Variants in TKFC observed in about 807,000 individuals in gnomAD.
TKFC encodes triokinase and FMN cyclase, also known as triokinase/FMN cyclase.
Under a neutral mutation model 61.0 loss-of-function variants are expected in TKFC, and 46 were observed. The ratio of observed to expected loss-of-function variants is 0.75; its 90% CI spans 0.60 to 0.96. TKFC has a LOEUF of 0.96. Among genes scored for constraint, TKFC ranks in the 50% least tolerant of loss-of-function variants. The pLI is 0.00. For missense variants in TKFC, 715 were observed against 777.5 expected, an observed-to-expected ratio of 0.92 and a Z score of 0.96; for synonymous variants, 314 against 330.1, an observed-to-expected ratio of 0.95 and a Z score of 0.53.
chr11:61,337,356 G>T (rs1349899741), intron 2 of TKFC, among the ~76,000 whole-genome samples: 2 of 152,136 alleles, frequency 1.3e-5, no homozygotes, highest in African/African-American at 4.8e-5. Context: ...ATGTTGCCCA[G>T]GCCGGTCTCA....
Position 61,344,131 on chromosome 11 carries a change from T to C in TKFC, c.1103-5T>C. 6.2e-7 allele frequency: 1 copy of C among 1,611,888 alleles called. No homozygotes were observed. The highest frequency in any genetic ancestry group is 2.2e-5 in the East Asian group (1 of 44,884). On this transcript the variant is annotated splice_polypyrimidine_tract_variant and splice_region_variant and intron_variant, in intron 12 of 17. Transcript: ENST00000394900. ...GGCCTGTTCTTCAGCATCCTCCCTT[T>C]CTAGGCTCAGCCTCGAAGCGGATGG...
chr11:61,353,247 A>G (rs1392440342), downstream of TKFC: 1 of 1,382,480 alleles, frequency 7.2e-7, no homozygotes, highest in Non-Finnish European at 9.6e-7. Context: ...TTCTTTCACA[A>G]CTCAAACCTT....
In TKFC at chr11:61,341,894, G is replaced by A. The variant is rs781550668; in HGVS notation, c.637G>A (p.Glu213Lys). ...ACCCACCTTCGAGCTCTCAGCCGAC[G>A]AGGTGGAGCTGGGCCTGGGTAAGCT... ...SKPTFELSAD[E>K]VELGLGIHGE... Residue 213 changes from glutamate to lysine, a missense_variant, in exon 7 of 18, where the codon GAG becomes AAG. Coordinates refer to ENST00000394900, the MANE Select transcript of TKFC (RefSeq NM_015533.4). The A allele has an allele frequency of 5.0e-6, 8 of 1,613,338 alleles. No individual in the cohort carries two copies. Among genetic ancestry groups the A allele is most frequent in the African/African-American group, 4.0e-5 (3 of 74,878 alleles).
At chr11:61,350,828 G>T, downstream of TKFC, 2 of 995,652 alleles carry the variant, frequency 2.0e-6, no homozygotes, top group Non-Finnish European at 2.8e-6. Context: ...CGCTGGTTTG[G>T]GACCAGTGCT....
At position 61,346,785 on chromosome 11, in the gene TKFC, T is replaced by G. The variant is rs1857149805; in HGVS notation, c.*282T>G. ...CCCTGCCAGCTCTGGGCTTCAGAGA[T>G]AAGGCATTTTCCTTGTGCAGCCTTT... is the stretch of plus-strand genomic sequence containing the variant. On this transcript the variant is annotated 3_prime_UTR_variant, in exon 18 of 18. Coordinates refer to ENST00000394900, the MANE Select transcript of TKFC (RefSeq NM_015533.4). This position sits in a 1 kb window ranked among gnomAD's most constrained non-coding sequence, Gnocchi z 4.1. 3 of 1,196,640 alleles carry G rather than the reference T, an allele frequency of 2.5e-6. No homozygotes were observed. Among genetic ancestry groups the G allele is most frequent in the Non-Finnish European group, 3.1e-6 (3 of 962,984 alleles). The allele number at this position is 1,196,640 out of a possible 1,614,324, so 74.1% of individuals were successfully genotyped here.
At chr11:61,351,185 T>C (rs780078596), downstream of TKFC, 4 of 1,569,216 alleles carry the variant, frequency 2.5e-6, no homozygotes, top group African/African-American at 4.1e-5. Flanking sequence ...TCGAGAGATT[T>C]TTCCACCTAT....
chr11:61,347,771 AT>A lies in TKFC; in HGVS notation c.*1274del. Reference sequence around the variant, plus strand: ...AACCCGGCTACAGGAGCTAAGGCCTATTTTTTAGCCCTTTGGGATCTGTAAA... The same window carrying A: ...AACCCGGCTACAGGAGCTAAGGCCTATTTTTAGCCCTTTGGGATCTGTAAA... On this transcript the variant is annotated 3_prime_UTR_variant, in exon 18 of 18. Coordinates refer to ENST00000394900, the MANE Select transcript of TKFC (RefSeq NM_015533.4). 2 of 980,500 alleles carry A rather than the reference AT, an allele frequency of 2.0e-6. No individual in the cohort carries two copies. The highest frequency in any genetic ancestry group is 1.7e-5 in the African/African-American group (1 of 57,168). The allele number at this position is 980,500 out of a possible 1,614,324, so 60.7% of individuals were successfully genotyped here.
chr11:61,346,583 A>C lies in TKFC; in HGVS notation c.*80A>C. The C allele has an allele frequency of 6.6e-7, 1 of 1,506,924 alleles. No individual in the cohort carries two copies. Among genetic ancestry groups the C allele is most frequent in the Non-Finnish European group, 8.8e-7 (1 of 1,132,332 alleles). The allele number at this position is 1,506,924 out of a possible 1,614,324, so 93.3% of individuals were successfully genotyped here. A position where few individuals can be genotyped will look rare whatever the true frequency, so the allele number is the denominator to read the frequency against. On this transcript the variant is annotated 3_prime_UTR_variant, in exon 18 of 18. Coordinates refer to ENST00000394900, the MANE Select transcript of TKFC (RefSeq NM_015533.4). The surrounding 1 kb of genome is among the most constrained non-coding windows in gnomAD (Gnocchi z 4.1). ...CCTTTGTCACTTCCTTCTGCCTTCC[A>C]ACCCTCACCTTCCCCCGGCCTGGCC...
rs1334611143 is a variant in TKFC, at chr11:61,344,347, G to T, written c.1240+74G>T. The stretch of plus-strand genomic sequence containing the variant: ...CCCCCTTCCACTTGTTTCCCTGAAG[G>T]CAGGGACCTTCCTTTTTTTTTTTTT... On this transcript the variant is annotated intron_variant, in intron 13 of 17. Transcript: ENST00000394900. The T allele has an allele frequency of 2.0e-6, 3 of 1,470,486 alleles. No individual in the cohort carries two copies. The African/African-American group carries it at 4.4e-5, about 21-fold the overall frequency. The allele number at this position is 1,470,486 out of a possible 1,614,324, so 91.1% of individuals were successfully genotyped here. A position where few individuals can be genotyped will look rare whatever the true frequency, so the allele number is the denominator to read the frequency against.
chr11:61,339,102 C>T lies in TKFC; in HGVS notation c.230C>T (p.Ala77Val), dbSNP rs1052145620. 4.3e-6 allele frequency: 7 copies of T among 1,613,546 alleles called. No homozygotes were observed. Among genetic ancestry groups the T allele is most frequent in the Non-Finnish European group, 5.1e-6 (6 of 1,179,968 alleles). The change falls in exon 4 of 18, where the codon GCG becomes GTG. Residue 77 changes from alanine (A) to valine (V), a missense_variant. Transcript: ENST00000394900. ...IGKGMLTGVIAGAVFTSPAVG... is the reference protein window; with the variant it reads ...IGKGMLTGVIVGAVFTSPAVG... ...AAGGGGATGCTGACTGGGGTCATCG[C>T]GGGAGCTGTGTTCACCTCCCCGGCA... is the stretch of plus-strand genomic sequence containing the variant.
downstream of TKFC, chr11:61,350,904 T>G (rs1857374001): frequency 1.3e-6 from 2 of 1,508,214 alleles, no homozygotes; most frequent in Non-Finnish European, 8.9e-7. Context: ...AGGGTAAGTC[T>G]TCTTGTCAAG....
At chr11:61,343,782 G>T in intron 11 of TKFC, 74 bp from the exon 12 acceptor site, 1 of 1,555,498 alleles carries the variant, frequency 6.4e-7, no homozygotes. Context: ...CCAGGGTCAG[G>T]ATGGGAGGGT....
chr11:61,343,158 C>T (rs919829804), intron 10 of TKFC, 184 bp from the exon 11 acceptor site: 3 of 632,400 alleles, frequency 4.7e-6, no homozygotes, highest in Non-Finnish European at 8.3e-6. Context: ...TCTTCCCCGA[C>T]GTAGGGGACA....
chr11:61,339,527 C>A, intron 5 of TKFC, 92 bp downstream of exon 5: 1 of 1,372,920 alleles, frequency 7.3e-7, no homozygotes, highest in Non-Finnish European at 9.8e-7. Flanking sequence ...TCCAGCCCTT[C>A]CCCAAGAAGC....
At chr11:61,339,537 C>G in intron 5 of TKFC, 102 bp downstream of exon 5, 1 of 1,341,544 alleles carries the variant, frequency 7.5e-7, no homozygotes, top group Non-Finnish European at 1.0e-6. Context: ...CCCCAAGAAG[C>G]TAGTTCTTTT....
rs34152582 is a variant in TKFC at position 61,345,535 on chromosome 11, C to T, written c.1421C>T (p.Ala474Val). ...AKTSLPAWSA[A>V]MDAGLEAMQK... The stretch of plus-strand genomic sequence containing the variant: ...ACCAGCCTCCCAGCCTGGTCTGCTG[C>T]CATGGATGCCGGCCTGGAAGCCATG... Residue 474 changes from alanine (A) to valine (V), a missense_variant, in exon 15 of 18, where the codon GCC (alanine) becomes GTC (valine). Ala to Val is a moderately conservative substitution (Grantham distance 64, BLOSUM62 0). Transcript: ENST00000394900. 271 of 1,613,328 alleles carry T rather than the reference C, an allele frequency of 1.7e-4. 2 individuals carry two copies. In the African/African-American group the frequency reaches 3.4e-3, roughly 20 times the overall value.
At chr11:61,337,435 T>C (rs1856656024) in intron 2 of TKFC, among the ~76,000 whole-genome samples, 1 of 152,218 alleles carries the variant, frequency 6.6e-6, no homozygotes, top group African/African-American at 2.4e-5. Flanking sequence ...CATGAGCCAC[T>C]GCACCTGAGC....
chr11:61,345,860 G>A lies in TKFC; in HGVS notation c.1489G>A (p.Asp497Asn), dbSNP rs34035740. 4.3e-6 allele frequency: 7 copies of A among 1,614,030 alleles called. No individual in the cohort carries two copies. In the African/African-American group the frequency reaches 6.7e-5, roughly 15 times the overall value. ...CCCTTTCCTTCACCTTGTCCAGCTG[G>A]ATTCTCTGTGGGCAGCGGGGCAGGA... ...KAAPGDRTML[D>N]SLWAAGQELQ... The change falls in exon 17 of 18, where the codon GAT (aspartate) becomes AAT (asparagine). Residue 497 changes from aspartate to asparagine, a missense_variant. By Grantham distance (23) the Asp-to-Asn change is conservative. Transcript: ENST00000394900.
chr11:61,346,789 G>A lies in TKFC; in HGVS notation c.*286G>A, dbSNP rs777778801. ...GCCAGCTCTGGGCTTCAGAGATAAG[G>A]CATTTTCCTTGTGCAGCCTTTACCT... is the stretch of plus-strand genomic sequence containing the variant. On this transcript the variant is annotated 3_prime_UTR_variant, in exon 18 of 18. Transcript: ENST00000394900. The surrounding 1 kb of genome is among the most constrained non-coding windows in gnomAD (Gnocchi z 4.1). The A allele has an allele frequency of 2.3e-5, 27 of 1,187,828 alleles. No individual in the cohort carries two copies. Among genetic ancestry groups the A allele is most frequent in the Admixed American group, 1.2e-4 (3 of 24,230 alleles). The allele number at this position is 1,187,828 out of a possible 1,614,324, so 73.6% of individuals were successfully genotyped here.
Sources: gnomAD v4.1 joint callset for allele counts (sites outside exome capture counted in the v4.1 genomes callset) on GRCh38, gnomAD v4.1.1 for gene constraint, Gnocchi (gnomAD v3.1) non-coding constraint, MANE v1.5 for transcripts, NCBI Gene and HGNC (gene_info 2026-07-23, HGNC 2026-07-21) for gene names.